The following ZNF19 variants were observed in gnomAD, a reference collection of about 807,000 sequenced individuals.
ZNF19 encodes zinc finger protein 19.
A neutral mutation model predicts 13.1 loss-of-function variants in ZNF19; 11 were observed. That is an observed-to-expected ratio of 0.84 (90% CI 0.53 to 1.39). The LOEUF (loss-of-function observed/expected upper bound fraction) is 1.39. Ranked by LOEUF, ZNF19 falls within the 40% of genes most tolerant of loss-of-function variation. ZNF19 has a pLI of 0.00. For missense variants in ZNF19, 560 were observed against 547.0 expected, an observed-to-expected ratio of 1.02 and a Z score of -0.24; for synonymous variants, 186 against 187.0, an observed-to-expected ratio of 0.99 and a Z score of 0.04.
At chr16:71,480,866 G>C (rs983065219) in intron 3 of ZNF19, among the ~76,000 whole-genome samples, 1 of 152,186 alleles carries the variant, frequency 6.6e-6, no homozygotes, top group Non-Finnish European at 1.5e-5. Context: ...AGGTAATTCT[G>C]ATGTACACTG....
intron 1 of ZNF19, among the ~76,000 whole-genome samples, chr16:71,488,123 GC>G (rs1004140796): frequency 6.6e-6 from 1 of 152,094 alleles, no homozygotes; most frequent in Non-Finnish European, 1.5e-5. Context: ...ACTTTGGGAG[GC>G]CAAGGTGGAT....
intron 3 of ZNF19, among the ~76,000 whole-genome samples, chr16:71,479,656 A>T (rs1390132043): frequency 6.6e-6 from 1 of 152,126 alleles, no homozygotes; most frequent in African/African-American, 2.4e-5. Flanking sequence ...ATGCTTCTAG[A>T]ATTAAATTGC....
At chr16:71,478,601 T>A in intron 4 of ZNF19, 1 of 668,246 alleles carries the variant, frequency 1.5e-6, no homozygotes, top group Non-Finnish European at 2.7e-6. Context: ...AGACAACAAC[T>A]ACTACTTATT....
rs755630234 is a variant in ZNF19, at chr16:71,478,905, T to A, written c.134A>T (p.Glu45Val). Residue 45 changes from glutamate (E) to valine (V), a missense_variant, in exon 4 of 6, where the codon GAG becomes GTG. By Grantham distance (121) the Glu-to-Val change is moderately radical. Coordinates refer to ENST00000288177, the MANE Select transcript of ZNF19 (RefSeq NM_006961.4). ...QRALYRSVMLENFGNLTALGY... is the reference protein window; with the variant it reads ...QRALYRSVMLVNFGNLTALGY... ...CAAAGCAGTCAGGTTCCCAAAATTC[T>A]CCAACATCACACTTCTGTACAGGGC... The A allele has an allele frequency of 6.2e-7, 1 of 1,614,088 alleles. No individual in the cohort carries two copies. Among genetic ancestry groups the A allele is most frequent in the Non-Finnish European group, 8.5e-7 (1 of 1,179,968 alleles).
intron 1 of ZNF19, 21 bp from the exon 2 acceptor site, chr16:71,484,769 T>A: frequency 1.0e-6 from 1 of 982,288 alleles, no homozygotes; most frequent in Non-Finnish European, 1.2e-6. Context: ...AAAGAAAGTA[T>A]ATCATTGTTT....
Position 71,482,087 on chromosome 16 carries a change from A to G in ZNF19, c.28T>C (p.Tyr10His). 1 of 1,614,152 alleles carries G rather than the reference A, an allele frequency of 6.2e-7. No individual in the cohort carries two copies. The highest frequency in any genetic ancestry group is 1.1e-5 in the South Asian group (1 of 91,064). The part of the protein sequence containing the change: MAAMPLKAQ[Y>H]QEMVTFEDVA... ...CTCAGGGATCCACAGCTCACCTGGT[A>G]TTGAGCTTTCAGAGGCATGGCTGCC... The change falls in exon 3 of 6, where the codon TAC (tyrosine) becomes CAC (histidine). Residue 10 changes from tyrosine (Y) to histidine (H), a missense_variant. Transcript: ENST00000288177.
chr16:71,488,441 G>C (rs2043696056), intron 1 of ZNF19, among the ~76,000 whole-genome samples: 1 of 151,814 alleles, frequency 6.6e-6, no homozygotes, highest in South Asian at 2.1e-4. Flanking sequence ...GTTACTATCT[G>C]CAGGCAACAT....
At chr16:71,486,198 AAT>A (rs1393999828) in intron 1 of ZNF19, among the ~76,000 whole-genome samples, 10 of 140,408 alleles carry the variant, frequency 7.1e-5, no homozygotes, top group Non-Finnish European at 9.3e-5. Context: ...AAAAAAAAAA[AAT>A]TCCAAAAAGG....
At chr16:71,489,240 C>G (rs1365917738) in intron 1 of ZNF19, 32 bp downstream of exon 1, 1 of 985,548 alleles carries the variant, frequency 1.0e-6, no homozygotes, top group African/African-American at 1.7e-5. Flanking sequence ...AACCCAAGCT[C>G]CGCCCAACTG....
At chr16:71,483,599 C>T (rs1940221956) in intron 2 of ZNF19, among the ~76,000 whole-genome samples, 1 of 152,222 alleles carries the variant, frequency 6.6e-6, no homozygotes, top group Admixed American at 6.5e-5. Context: ...ATCCACCCTT[C>T]ACCTTCAGAT....
At chr16:71,483,182 A>C (rs552184452) in intron 2 of ZNF19, among the ~76,000 whole-genome samples, 1 of 152,248 alleles carries the variant, frequency 6.6e-6, no homozygotes, top group African/African-American at 2.4e-5. Context: ...TTTTTTGTTC[A>C]TTGCCCCACT....
At chr16:71,481,201 A>G (rs151175089) in intron 3 of ZNF19, among the ~76,000 whole-genome samples, 4 of 152,252 alleles carry the variant, frequency 2.6e-5, no homozygotes, top group African/African-American at 7.2e-5. Flanking sequence ...TTGTGGAAAA[A>G]CCAGAAGAGG....
intron 1 of ZNF19, among the ~76,000 whole-genome samples, chr16:71,488,558 G>A (rs2043697495): frequency 1.3e-5 from 2 of 152,136 alleles, no homozygotes; most frequent in South Asian, 4.1e-4. Flanking sequence ...CAGCACTTTG[G>A]GAGGCCGAGA....
rs1463757588 is a variant in ZNF19, at chr16:71,476,096, C to G, written c.451G>C (p.Val151Leu). 5 of 1,614,032 alleles carry G rather than the reference C, an allele frequency of 3.1e-6. No individual in the cohort carries two copies. The highest frequency in any genetic ancestry group is 4.2e-6 in the Non-Finnish European group (5 of 1,180,024). ...IPTVKNIQGK[V>L]PRIPCARKPF... ...TTCCTTGCACAGGGGATTCTTGGAA[C>G]CTTTCCTTGGATATTTTTCACTGTG... The change falls in exon 6 of 6, where the codon GTT (valine) becomes CTT (leucine). Residue 151 changes from valine (V) to leucine (L), a missense_variant. Val to Leu is a conservative substitution (Grantham distance 32). Coordinates refer to ENST00000288177, the MANE Select transcript of ZNF19 (RefSeq NM_006961.4).
In ZNF19 at chr16:71,476,278, A is replaced by T. The variant is rs772757282; in HGVS notation, c.275-6T>A. ...GTCAATGTTGGTCTCAACATCTGACATAAGAGATAGAAAACACAAATAATG... is the reference window on the plus strand; with the variant it reads ...GTCAATGTTGGTCTCAACATCTGACTTAAGAGATAGAAAACACAAATAATG... On this transcript the variant is annotated splice_polypyrimidine_tract_variant and splice_region_variant and intron_variant, in intron 5 of 5. Coordinates refer to ENST00000288177, the MANE Select transcript of ZNF19 (RefSeq NM_006961.4). The T allele has an allele frequency of 5.0e-6, 8 of 1,599,022 alleles. No individual in the cohort carries two copies. Among genetic ancestry groups the T allele is most frequent in the Non-Finnish European group, 5.1e-6 (6 of 1,173,218 alleles).
At chr16:71,483,091 T>C (rs1332875995) in intron 2 of ZNF19, among the ~76,000 whole-genome samples, 1 of 152,152 alleles carries the variant, frequency 6.6e-6, no homozygotes, top group African/African-American at 2.4e-5. Context: ...TAACATAAAA[T>C]AATAGACAAG....
intron 5 of ZNF19, 186 bp downstream of exon 5, chr16:71,478,042 G>C: frequency 1.8e-6 from 1 of 552,528 alleles, no homozygotes; most frequent in Non-Finnish European, 3.2e-6. Context: ...TGGATTCAAG[G>C]ATTGCAGATG....
intron 5 of ZNF19, chr16:71,477,976 A>G: frequency 2.3e-6 from 1 of 425,672 alleles, no homozygotes; most frequent in Non-Finnish European, 4.2e-6. Flanking sequence ...GAATAAATCC[A>G]TCCCAACCAA....
rs1421887538 is a variant in ZNF19 at position 71,482,432 on chromosome 16, G to A, written c.-29-289C>T. On this transcript the variant is annotated intron_variant, in intron 2 of 5. Coordinates refer to ENST00000288177, the MANE Select transcript of ZNF19 (RefSeq NM_006961.4). ...CAAAAGACACCAATAAACTCAGAGC[G>A]AAACCTAACAAGAAGAATCTCAGAC... 3.3e-5 allele frequency: 10 copies of A among 304,100 alleles called. No individual in the cohort carries two copies. The South Asian group carries it at 3.7e-4, about 11-fold the overall frequency. 18.8% of individuals were successfully genotyped at this position (304,100 alleles called of 1,614,324 possible).
Sources: allele counts gnomAD v4.1 joint callset (sites outside exome capture counted in the v4.1 genomes callset), GRCh38; gene constraint gnomAD v4.1.1; transcripts MANE v1.5; gene names NCBI Gene and HGNC (gene_info 2026-07-23, HGNC 2026-07-21).